Variants in SMAD6 observed in about 807,000 individuals in gnomAD.
SMAD6 encodes SMAD family member 6.
SMAD6 carries 103 observed loss-of-function variants against 39.4 expected under a neutral mutation model. The ratio of observed to expected loss-of-function variants is 2.62; its 90% CI spans 2.23 to 3.08. The LOEUF is 3.08. SMAD6 is among the 30% of genes most tolerant of loss of function. The pLI is 0.00. For missense variants in SMAD6, 1,104 were observed against 742.9 expected (o/e 1.49, Z -5.65); for synonymous variants, 445 against 353.3 (o/e 1.26, Z -2.91).
chr15:66,729,269 C>T (rs1367296849), intron 3 of SMAD6, among the ~76,000 whole-genome samples: 2 of 152,176 alleles, frequency 1.3e-5, no homozygotes, highest in African/African-American at 4.8e-5. Flanking sequence ...CCCCTGAGGC[C>T]GGATTTTAAG....
At chr15:66,727,465 G>C (rs1183024644) in intron 3 of SMAD6, among the ~76,000 whole-genome samples, 1 of 152,208 alleles carries the variant, frequency 6.6e-6, no homozygotes, top group Non-Finnish European at 1.5e-5. Flanking sequence ...TGGGGTCAGA[G>C]CTGGGTTTGA....
intron 3 of SMAD6, among the ~76,000 whole-genome samples, chr15:66,762,656 A>G (rs1595794187): frequency 1.3e-5 from 2 of 152,098 alleles, no homozygotes; most frequent in African/African-American, 4.8e-5. Flanking sequence ...GTTTTAGAGT[A>G]AACGCCATGA....
Position 66,711,703 on chromosome 15 carries a change from C to CG in SMAD6, c.854dup (p.Asp286ArgfsTer17). ...ACCTCCCTACTCTCGGCTGTCTCCTCGCGACGAGTACAAGCCACTGGGTAA... is the reference window on the plus strand; with the variant it reads ...ACCTCCCTACTCTCGGCTGTCTCCTCGGCGACGAGTACAAGCCACTGGGTAA... On this transcript the variant is annotated frameshift_variant, in exon 2 of 4. Transcript: ENST00000288840. LOFTEE classifies it high-confidence loss of function. 1 of 1,613,850 alleles carries CG rather than the reference C, an allele frequency of 6.2e-7. No individual in the cohort carries two copies. The highest frequency in any genetic ancestry group is 8.5e-7 in the Non-Finnish European group (1 of 1,179,862).
At chr15:66,712,284 A>G (rs2140597290) in intron 2 of SMAD6, among the ~76,000 whole-genome samples, 1 of 152,346 alleles carries the variant, frequency 6.6e-6, no homozygotes, top group East Asian at 1.9e-4. Flanking sequence ...AGGTGAGCTT[A>G]GTGGAGTTGG....
chr15:66,737,885 G>A (rs1399917351), intron 3 of SMAD6, among the ~76,000 whole-genome samples: 4 of 152,052 alleles, frequency 2.6e-5, no homozygotes, highest in African/African-American at 7.2e-5. Flanking sequence ...GAGGAGTGCC[G>A]CCTCCTCCCT....
intron 3 of SMAD6, among the ~76,000 whole-genome samples, chr15:66,751,113 G>A (rs866232068): frequency 1.5e-4 from 23 of 152,162 alleles, no homozygotes; most frequent in African/African-American, 3.6e-4. Context: ...TACTGAGAAC[G>A]CCCCGTGCCT....
chr15:66,767,331 C>G (rs1340709358), intron 3 of SMAD6, among the ~76,000 whole-genome samples: 1 of 152,158 alleles, frequency 6.6e-6, no homozygotes, highest in Non-Finnish European at 1.5e-5. Flanking sequence ...TGGCCTCCTT[C>G]TGCCTTGGAA....
intron 3 of SMAD6, among the ~76,000 whole-genome samples, chr15:66,772,551 G>A (rs914003896): frequency 6.6e-6 from 1 of 152,174 alleles, no homozygotes; most frequent in African/African-American, 2.4e-5. Flanking sequence ...ATATACACAT[G>A]TAGATAAGGC....
intron 2 of SMAD6, among the ~76,000 whole-genome samples, 156 bp downstream of exon 2, chr15:66,711,880 A>G (rs957559481): frequency 6.6e-6 from 1 of 152,172 alleles, no homozygotes; most frequent in Non-Finnish European, 1.5e-5. Context: ...GAAGTTGTAC[A>G]AACACTCCCA....
At chr15:66,772,762 G>A (rs1244983079) in intron 3 of SMAD6, among the ~76,000 whole-genome samples, 1 of 152,218 alleles carries the variant, frequency 6.6e-6, no homozygotes, top group Non-Finnish European at 1.5e-5. Flanking sequence ...CAGCTGCTGA[G>A]TGGCAGAGCT....
Position 66,752,760 on chromosome 15 carries a change from T to C in SMAD6, c.953-28237T>C, listed in dbSNP as rs895152451. ...AGTGAGCTATGACTGCATCATTCGC[T>C]CCAGCCTGGGCAGCAGAGTGAGTCC... On this transcript the variant is annotated intron_variant, in intron 3 of 3. Transcript: ENST00000288840. Among the ~76,000 whole-genome samples the C allele has an allele frequency of 9.2e-5, 14 of 152,172 alleles. No homozygotes were observed. In the South Asian group the frequency reaches 2.7e-3, roughly 29 times the overall value.
At chr15:66,766,769 G>A (rs1490390855) in intron 3 of SMAD6, among the ~76,000 whole-genome samples, 2 of 152,292 alleles carry the variant, frequency 1.3e-5, no homozygotes, top group East Asian at 1.9e-4. Flanking sequence ...GGGGGAAACA[G>A]TTCTAGAAGG....
At chr15:66,761,201 C>A (rs1277645134) in intron 3 of SMAD6, among the ~76,000 whole-genome samples, 2 of 152,190 alleles carry the variant, frequency 1.3e-5, no homozygotes, top group African/African-American at 4.8e-5. Flanking sequence ...GCTTCTGTCA[C>A]TTCCTAGCAC....
At chr15:66,704,145 G>C in intron 1 of SMAD6, 70 bp downstream of exon 1, 1 of 1,201,810 alleles carries the variant, frequency 8.3e-7, no homozygotes, top group Non-Finnish European at 1.1e-6. Flanking sequence ...CCTTCTCTCT[G>C]TGACACTGCG....
chr15:66,732,195 T>G (rs1190572135), intron 3 of SMAD6, among the ~76,000 whole-genome samples: 1 of 152,216 alleles, frequency 6.6e-6, no homozygotes, highest in African/African-American at 2.4e-5. Context: ...TCTGCCCACC[T>G]CAGCCAAAGT....
At chr15:66,756,860 TCTGTTTTGG>T (rs1432690265) in intron 3 of SMAD6, among the ~76,000 whole-genome samples, 1 of 152,230 alleles carries the variant, frequency 6.6e-6, no homozygotes, top group Non-Finnish European at 1.5e-5. Context: ...TCCCCTTGTG[TCTGTTTTGG>T]CTGTTTCTTC....
chr15:66,740,594 G>A (rs926260719), intron 3 of SMAD6: 5 of 152,138 alleles, frequency 3.3e-5, no homozygotes, highest in Non-Finnish European at 5.9e-5. Context: ...CCGTTTGCCT[G>A]GTTCTTGTGA....
intron 3 of SMAD6, among the ~76,000 whole-genome samples, chr15:66,746,612 C>T (rs907051503): frequency 1.4e-4 from 21 of 152,204 alleles, no homozygotes; most frequent in African/African-American, 4.8e-4. Flanking sequence ...TTTGAGACAC[C>T]CTCTTGCATG....
In SMAD6 at chr15:66,781,442, C is replaced by T. The variant is rs765098870; in HGVS notation, c.1398C>T (p.Ile466=). 5 of 1,605,250 alleles carry T rather than the reference C, an allele frequency of 3.1e-6. No homozygotes were observed. In the African/African-American group the frequency reaches 5.3e-5, roughly 17 times the overall value. The part of the protein sequence containing the change: ...DGPYDPNSVR[I]SFAKGWGPCY... ...CCTACGACCCCAACAGCGTCCGCAT[C>T]AGCTTCGCCAAGGGCTGGGGGCCCT... Residue 466 remains isoleucine (I), a synonymous_variant, in exon 4 of 4, where the codon ATC becomes ATT. Coordinates refer to ENST00000288840, the MANE Select transcript of SMAD6 (RefSeq NM_005585.5).
Sources: allele counts gnomAD v4.1 joint callset (sites outside exome capture counted in the v4.1 genomes callset), GRCh38; gene constraint gnomAD v4.1.1; transcripts MANE v1.5; gene names NCBI Gene and HGNC (gene_info 2026-07-23, HGNC 2026-07-21).